Variants in UNC13B observed in about 807,000 individuals in gnomAD.
UNC13B encodes the protein unc-13 homolog B, also known as protein unc-13 homolog B.
A neutral mutation model predicts 211.0 loss-of-function variants in UNC13B; 144 were observed. That is an observed-to-expected ratio of 0.68 (90% CI 0.60 to 0.78). The LOEUF (loss-of-function observed/expected upper bound fraction) is 0.78. Among genes scored for constraint, UNC13B ranks in the 30% least tolerant of loss-of-function variants. The probability of loss-of-function intolerance (pLI) is 0.00; values close to 1 mark genes in which losing one functional copy is unlikely to be tolerated. For missense variants in UNC13B, 1,777 were observed against 2,002.0 expected (o/e 0.89, Z 2.14); for synonymous variants, 709 against 725.8 (o/e 0.98, Z 0.37).
At position 35,336,737 on chromosome 9, in the gene UNC13B, G is replaced by A; in HGVS notation, c.9414+22748G>A. Among the ~76,000 whole-genome samples, 2 of 152,092 alleles carry A rather than the reference G, an allele frequency of 1.3e-5. 1 individual carries two copies. The highest frequency in any genetic ancestry group is 3.9e-4 in the East Asian group (2 of 5,182). ...TTCATGATCTGTTCACCTCCCCAAA[G>A]GCTCACCTCCTAATGTCATCACCTT... is the stretch of plus-strand genomic sequence containing the variant. On this transcript the variant is annotated intron_variant, in intron 11 of 39. Coordinates refer to ENST00000635942, the MANE Select transcript of UNC13B (RefSeq NM_001371189.2).
intron 11 of UNC13B, among the ~76,000 whole-genome samples, chr9:35,365,584 C>A: frequency 7.6e-6 from 1 of 130,756 alleles, no homozygotes; most frequent in East Asian, 2.0e-4. Context: ...ATTGGCTCCC[C>A]AACACTCAAC....
intron 11 of UNC13B, among the ~76,000 whole-genome samples, chr9:35,333,168 T>C (rs2131975346): frequency 6.6e-6 from 1 of 152,258 alleles, no homozygotes; most frequent in East Asian, 1.9e-4. Context: ...AAATGAAAAA[T>C]AGCATTAAAA....
chr9:35,221,540 TCA>T (rs1824564209), intron 1 of UNC13B, among the ~76,000 whole-genome samples: 1 of 152,238 alleles, frequency 6.6e-6, no homozygotes, highest in African/African-American at 2.4e-5. Flanking sequence ...GGTTGTCTCT[TCA>T]CTTTGTTGAT....
chr9:35,262,003 C>T (rs1357494944), intron 7 of UNC13B, among the ~76,000 whole-genome samples: 1 of 152,110 alleles, frequency 6.6e-6, no homozygotes, highest in African/African-American at 2.4e-5. Flanking sequence ...TTATGTACTA[C>T]ATTTTCCTTT....
chr9:35,364,018 G>A (rs1367064616), intron 11 of UNC13B, among the ~76,000 whole-genome samples: 1 of 152,144 alleles, frequency 6.6e-6, no homozygotes, highest in Non-Finnish European at 1.5e-5. Flanking sequence ...TCCGAGAAAC[G>A]GGCCAGAGCT....
intron 5 of UNC13B, among the ~76,000 whole-genome samples, chr9:35,242,797 A>G (rs536091007): frequency 3.9e-4 from 60 of 152,308 alleles, no homozygotes; most frequent in African/African-American, 1.3e-3. Flanking sequence ...TTTCGTATAT[A>G]TAATCCAAAG....
At chr9:35,189,989 A>G (rs1822565493) in intron 1 of UNC13B, among the ~76,000 whole-genome samples, 1 of 152,108 alleles carries the variant, frequency 6.6e-6, no homozygotes, top group South Asian at 2.1e-4. Context: ...TCTTAATTGG[A>G]TTACTCGTTT....
Position 35,390,698 on chromosome 9 carries a change from G to T in UNC13B, c.11292G>T (p.Met3764Ile), listed in dbSNP as rs1311461435. Residue 3764 changes from methionine to isoleucine, a missense_variant, in exon 26 of 40, where the codon ATG becomes ATT. Coordinates refer to ENST00000635942, the MANE Select transcript of UNC13B (RefSeq NM_001371189.2). ...TGTGGCATTTGTTTGCCCAAGACAT[G>T]AAATATGCATTGGAGGGTAAGGATC... is the stretch of plus-strand genomic sequence containing the variant. ...EVMWHLFAQDMKYALEEHEKD... is the reference protein window; with the variant it reads ...EVMWHLFAQDIKYALEEHEKD... 3.7e-6 allele frequency: 6 copies of T among 1,613,982 alleles called. No individual in the cohort carries two copies. The highest frequency in any genetic ancestry group is 1.6e-4 in the Middle Eastern group (1 of 6,082).
chr9:35,353,603 T>C (rs980359876), intron 11 of UNC13B: 1 of 1,232,164 alleles, frequency 8.1e-7, no homozygotes, highest in African/African-American at 1.5e-5. Flanking sequence ...TCTGGCTCCA[T>C]GTCTGGGAAG....
chr9:35,209,424 C>G (rs1459036298), intron 1 of UNC13B, among the ~76,000 whole-genome samples: 1 of 151,970 alleles, frequency 6.6e-6, no homozygotes. Flanking sequence ...GTCACCCAGG[C>G]TGAAGTGCAG....
At chr9:35,186,060 A>G (rs76642371) in intron 1 of UNC13B, among the ~76,000 whole-genome samples, 2,388 of 152,270 alleles carry the variant, frequency 0.016, 39 homozygotes, top group East Asian at 0.086. Flanking sequence ...GAGAAGGGGC[A>G]TCTGATATGC....
At chr9:35,202,264 G>A (rs757314362) in intron 1 of UNC13B, among the ~76,000 whole-genome samples, 2 of 152,014 alleles carry the variant, frequency 1.3e-5, no homozygotes, top group African/African-American at 4.8e-5. Flanking sequence ...CCAAACATGT[G>A]GTCACTTTTG....
intron 11 of UNC13B, among the ~76,000 whole-genome samples, chr9:35,337,117 C>T (rs759081786): frequency 1.2e-4 from 18 of 151,272 alleles, no homozygotes; most frequent in African/African-American, 2.4e-4. Context: ...CAGTCACTGA[C>T]GGATTTTAAG....
intron 35 of UNC13B, 53 bp from the exon 36 acceptor site, chr9:35,399,596 A>G (rs1836148286): frequency 1.9e-6 from 3 of 1,609,658 alleles, no homozygotes; most frequent in East Asian, 2.2e-5. Context: ...GGTGGGTGCA[A>G]GACTTTCATG....
intron 1 of UNC13B, among the ~76,000 whole-genome samples, chr9:35,210,377 C>G (rs949518077): frequency 1.3e-5 from 2 of 152,196 alleles, no homozygotes; most frequent in African/African-American, 4.8e-5. Context: ...CCACATAAAG[C>G]TGATGGGTAC....
chr9:35,378,607 T>G (rs1229547697), intron 17 of UNC13B, among the ~76,000 whole-genome samples, 171 bp downstream of exon 17: 1 of 152,192 alleles, frequency 6.6e-6, no homozygotes, highest in Non-Finnish European at 1.5e-5. Flanking sequence ...TTTCTTCTCA[T>G]GAGCTGTTGT....
intron 7 of UNC13B, among the ~76,000 whole-genome samples, chr9:35,284,166 T>C (rs1385456400): frequency 6.6e-6 from 1 of 152,118 alleles, no homozygotes; most frequent in East Asian, 1.9e-4. Flanking sequence ...CTTGGGAGGC[T>C]GAGGCAGGAG....
chr9:35,377,152 A>G (rs1834474475), intron 15 of UNC13B, among the ~76,000 whole-genome samples: 2 of 152,188 alleles, frequency 1.3e-5, no homozygotes, highest in Non-Finnish European at 2.9e-5. Flanking sequence ...TTCATGGAAA[A>G]TGTCCTTTGA....
intron 15 of UNC13B, among the ~76,000 whole-genome samples, chr9:35,377,011 G>A (rs1215832990): frequency 2.6e-5 from 4 of 152,214 alleles, no homozygotes; most frequent in East Asian, 1.9e-4. Context: ...CACAAGCCAA[G>A]CTGTAGCACT....
Sources: gnomAD v4.1 joint callset for allele counts (sites outside exome capture counted in the v4.1 genomes callset) on GRCh38, gnomAD v4.1.1 for gene constraint, MANE v1.5 for transcripts, NCBI Gene and HGNC (gene_info 2026-07-23, HGNC 2026-07-21) for gene names.